The following PARD3 variants were observed in gnomAD, a reference collection of about 807,000 sequenced individuals.
The protein encoded by PARD3 is par-3 family cell polarity regulator.
In PARD3, 75 loss-of-function variants were observed where a neutral mutation model predicts 155.4. The ratio of observed to expected loss-of-function variants is 0.48; its 90% confidence interval spans 0.40 to 0.58. The LOEUF (loss-of-function observed/expected upper bound fraction) is 0.58. Ranked by LOEUF, PARD3 falls within the 20% of genes least tolerant of loss-of-function variation. The pLI is 0.00. For missense variants in PARD3, 1,642 were observed against 1,721.7 expected, an observed-to-expected ratio of 0.95 and a Z score of 0.82; for synonymous variants, 576 against 610.5, an observed-to-expected ratio of 0.94 and a Z score of 0.83.
intron 1 of PARD3, among the ~76,000 whole-genome samples, chr10:34,783,223 C>A (rs1319061831): frequency 3.3e-5 from 5 of 152,140 alleles, no homozygotes; most frequent in African/African-American, 9.7e-5. Context: ...CTCTAAAATA[C>A]ATTTATCTGA....
intron 2 of PARD3, among the ~76,000 whole-genome samples, chr10:34,609,407 A>T (rs1245396728): frequency 6.6e-6 from 1 of 152,250 alleles, no homozygotes; most frequent in Non-Finnish European, 1.5e-5. Context: ...AATGCAAGGC[A>T]AACACCACCA....
intron 2 of PARD3, among the ~76,000 whole-genome samples, chr10:34,655,229 A>G (rs2133090942): frequency 6.6e-6 from 1 of 152,212 alleles, no homozygotes; most frequent in African/African-American, 2.4e-5. Context: ...TCAAATCATT[A>G]CAAAGTGGAG....
intron 2 of PARD3, among the ~76,000 whole-genome samples, chr10:34,555,831 C>G (rs1277735754): frequency 6.6e-6 from 1 of 152,144 alleles, no homozygotes; most frequent in Non-Finnish European, 1.5e-5. Context: ...TGACTCCACC[C>G]TATCACCCAC....
At chr10:34,182,247 A>G (rs902209176) in intron 22 of PARD3, among the ~76,000 whole-genome samples, 1 of 152,212 alleles carries the variant, frequency 6.6e-6, no homozygotes, top group Non-Finnish European at 1.5e-5. Flanking sequence ...TCCAGCAAGG[A>G]CGGGCCTCAT....
intron 2 of PARD3, among the ~76,000 whole-genome samples, chr10:34,683,632 G>C (rs1397549880): frequency 1.3e-5 from 2 of 151,456 alleles, no homozygotes; most frequent in Non-Finnish European, 2.9e-5. Context: ...GAAAGAGTGA[G>C]AACCTCTGTC....
intron 14 of PARD3, among the ~76,000 whole-genome samples, chr10:34,355,942 A>AAC (rs1838795387): frequency 3.1e-5 from 4 of 129,654 alleles, no homozygotes; most frequent in African/African-American, 1.2e-4. Context: ...AAAAAAAAAA[A>AAC]AAAACAAAAC....
intron 20 of PARD3, among the ~76,000 whole-genome samples, chr10:34,295,753 G>A (rs114946804): frequency 0.014 from 2,154 of 152,192 alleles, 49 homozygotes; most frequent in African/African-American, 0.048. Context: ...AAATCTCAGT[G>A]GGTAGAAATA....
intron 2 of PARD3, among the ~76,000 whole-genome samples, chr10:34,540,892 A>G (rs2083562601): frequency 6.6e-6 from 1 of 152,214 alleles, no homozygotes; most frequent in South Asian, 2.1e-4. Flanking sequence ...TAAAGTTCCA[A>G]GTAACAGATT....
intron 3 of PARD3, among the ~76,000 whole-genome samples, chr10:34,499,129 T>C (rs1358644965): frequency 6.6e-6 from 1 of 152,158 alleles, no homozygotes; most frequent in African/African-American, 2.4e-5. Flanking sequence ...GATTTTTTTC[T>C]CTAAGTACAT....
At chr10:34,208,919 A>G (rs535992961) in intron 22 of PARD3, among the ~76,000 whole-genome samples, 2 of 152,334 alleles carry the variant, frequency 1.3e-5, no homozygotes, top group Admixed American at 6.5e-5. Flanking sequence ...AAATAAACAG[A>G]CATGTTAGAA....
intron 15 of PARD3, chr10:34,345,682 G>A (rs565070370): frequency 2.1e-5 from 21 of 985,192 alleles, no homozygotes; most frequent in African/African-American, 7.0e-5. Flanking sequence ...ACATAAATCC[G>A]AATTTTGGTT....
At chr10:34,520,769 T>C (rs1273473108) in intron 2 of PARD3, among the ~76,000 whole-genome samples, 1 of 152,190 alleles carries the variant, frequency 6.6e-6, no homozygotes, top group Non-Finnish European at 1.5e-5. Flanking sequence ...GGTCCCTAGT[T>C]TGACAACCCA....
chr10:34,444,770 C>T (rs1398602671), intron 5 of PARD3, among the ~76,000 whole-genome samples: 1 of 152,192 alleles, frequency 6.6e-6, no homozygotes, highest in African/African-American at 2.4e-5. Flanking sequence ...CAATACCACC[C>T]AAAGAATAAG....
chr10:34,809,111 C>G (rs1040646899), intron 1 of PARD3, among the ~76,000 whole-genome samples: 5 of 152,232 alleles, frequency 3.3e-5, no homozygotes, highest in African/African-American at 1.2e-4. Flanking sequence ...CTCATTAAAT[C>G]TTAGTTTCCA....
chr10:34,212,643 T>C (rs1232738388), intron 22 of PARD3, among the ~76,000 whole-genome samples: 3 of 137,010 alleles, frequency 2.2e-5, no homozygotes, highest in Admixed American at 7.2e-5. Flanking sequence ...TAGGGAACAA[T>C]GGGAAGGTCA....
intron 2 of PARD3, among the ~76,000 whole-genome samples, chr10:34,565,469 G>A (rs2085855500): frequency 6.6e-6 from 1 of 151,646 alleles, no homozygotes; most frequent in African/African-American, 2.4e-5. Context: ...GTTTCACCAT[G>A]TTGGCCATAC....
chr10:34,284,318 A>G, intron 20 of PARD3, 73 bp from the exon 21 acceptor site: 1 of 820,196 alleles, frequency 1.2e-6, no homozygotes, highest in Non-Finnish European at 2.0e-6. Flanking sequence ...GTAATGACAT[A>G]TACCCAATGA....
At chr10:34,386,006 TATG>T (rs1421627122) in intron 7 of PARD3, among the ~76,000 whole-genome samples, 2 of 152,240 alleles carry the variant, frequency 1.3e-5, no homozygotes, top group Non-Finnish European at 2.9e-5. Context: ...CTACTAAAGA[TATG>T]ATGAAACTGA....
chr10:34,210,292 T>G (rs1235337549), intron 22 of PARD3, among the ~76,000 whole-genome samples: 2 of 152,144 alleles, frequency 1.3e-5, no homozygotes, highest in Non-Finnish European at 2.9e-5. Flanking sequence ...TGAGGAATAT[T>G]TGAGTTTTCT....
Sources: allele counts gnomAD v4.1 joint callset (sites outside exome capture counted in the v4.1 genomes callset), GRCh38; gene constraint gnomAD v4.1.1; transcripts MANE v1.5; gene names NCBI Gene and HGNC (gene_info 2026-07-23, HGNC 2026-07-21).